The following UGT8 variants were observed in gnomAD, a reference collection of about 807,000 sequenced individuals.
The protein encoded by UGT8 is UDP glycosyltransferase 8.
Under a neutral mutation model 40.5 loss-of-function variants are expected in UGT8, and 12 were observed. The ratio of observed to expected loss-of-function variants is 0.30; its 90% CI spans 0.19 to 0.48. The LOEUF is 0.48. UGT8 is among the 20% of genes least tolerant of loss of function. The probability of loss-of-function intolerance (pLI) is 0.99; values close to 1 mark genes in which losing one functional copy is unlikely to be tolerated. For missense variants in UGT8, 513 were observed against 648.7 expected, an observed-to-expected ratio of 0.79 and a Z score of 2.27; for synonymous variants, 224 against 240.4, an observed-to-expected ratio of 0.93 and a Z score of 0.63.
Position 114,676,262 on chromosome 4 carries a change from A to G in UGT8, c.1600A>G (p.Ile534Val), listed in dbSNP as rs1578480076. ...LNGKYKRNGHIKHEKKVK is the reference protein window; with the variant it reads ...LNGKYKRNGHVKHEKKVK Reference sequence around the variant, plus strand: ...TGGCAAGTACAAAAGAAATGGCCATATTAAACATGAAAAGAAAGTGAAATG... The same window carrying G: ...TGGCAAGTACAAAAGAAATGGCCATGTTAAACATGAAAAGAAAGTGAAATG... The change falls in exon 6 of 6, where the codon ATT (isoleucine) becomes GTT (valine). Residue 534 changes from isoleucine (I) to valine (V), a missense_variant. Ile to Val is a conservative substitution (Grantham distance 29). Around this residue, in one of 3 missense-constraint regions of UGT8, gnomAD observed 175 missense variants for 186.7 expected, o/e 0.94. Coordinates refer to ENST00000310836, the MANE Select transcript of UGT8 (RefSeq NM_001128174.3). The G allele has an allele frequency of 1.3e-6, 2 of 1,593,598 alleles. No individual in the cohort carries two copies. Among genetic ancestry groups the G allele is most frequent in the East Asian group, 4.5e-5 (2 of 44,648 alleles).
chr4:114,616,072 G>A (rs1014599540), intron 1 of UGT8, among the ~76,000 whole-genome samples: 5 of 152,152 alleles, frequency 3.3e-5, no homozygotes, highest in Admixed American at 3.3e-4. Context: ...GAGGCAGTCT[G>A]CCCGTTCTCA....
intron 2 of UGT8, among the ~76,000 whole-genome samples, chr4:114,646,849 G>A (rs1181106033): frequency 6.6e-6 from 1 of 152,150 alleles, no homozygotes; most frequent in Non-Finnish European, 1.5e-5. Context: ...GTTCATGTTG[G>A]AGTCATAGTC....
intron 2 of UGT8, among the ~76,000 whole-genome samples, chr4:114,660,781 C>T (rs746609005): frequency 6.6e-5 from 10 of 151,356 alleles, no homozygotes; most frequent in Non-Finnish European, 1.2e-4. Context: ...GTCCCAGCTA[C>T]TCGGGAGGCT....
At chr4:114,675,433 TG>T (rs896718610) in intron 5 of UGT8, among the ~76,000 whole-genome samples, 69 of 152,268 alleles carry the variant, frequency 4.5e-4, no homozygotes, top group African/African-American at 1.6e-3. Context: ...TACATTTTAT[TG>T]GGTTAACATA....
At position 114,675,905 on chromosome 4, in the gene UGT8, G is replaced by A. The variant is rs1180444107; in HGVS notation, c.1263-20G>A. On this transcript the variant is annotated intron_variant, in intron 5 of 5. Transcript: ENST00000310836. ...TTTATTATAAGCATCATCATTCTGT[G>A]TTTTGTCCCCTCTCCATAGCTACCG... 1 of 1,591,212 alleles carries A rather than the reference G, an allele frequency of 6.3e-7. No homozygotes were observed. The highest frequency in any genetic ancestry group is 1.1e-5 in the South Asian group (1 of 87,468).
chr4:114,646,422 T>A (rs1733575074), intron 2 of UGT8, among the ~76,000 whole-genome samples: 1 of 152,038 alleles, frequency 6.6e-6, no homozygotes, highest in South Asian at 2.1e-4. Context: ...TCAGCCTTAA[T>A]GTCATAGAAA....
chr4:114,634,229 A>C (rs1416335545), intron 2 of UGT8, among the ~76,000 whole-genome samples: 1 of 152,208 alleles, frequency 6.6e-6, no homozygotes, highest in African/African-American at 2.4e-5. Flanking sequence ...GTTCTTTAGG[A>C]AAATACATTG....
intron 2 of UGT8, among the ~76,000 whole-genome samples, chr4:114,639,183 G>T (rs188856988): frequency 6.6e-6 from 1 of 152,070 alleles, no homozygotes; most frequent in African/African-American, 2.4e-5. Context: ...CACCCAAATG[G>T]AAATAAAGAA....
intron 2 of UGT8, among the ~76,000 whole-genome samples, chr4:114,635,457 T>A (rs779837769): frequency 2.6e-5 from 4 of 152,296 alleles, no homozygotes; most frequent in Non-Finnish European, 5.9e-5. Context: ...ATTGAAAGAC[T>A]TTTTTTCTTC....
chr4:114,629,211 T>G (rs1465252687), intron 2 of UGT8, among the ~76,000 whole-genome samples: 1 of 152,186 alleles, frequency 6.6e-6, no homozygotes, highest in African/African-American at 2.4e-5. Context: ...ATCTATATAG[T>G]AGTACTATGC....
intron 1 of UGT8, among the ~76,000 whole-genome samples, chr4:114,599,416 G>C (rs922860766): frequency 6.6e-6 from 1 of 152,156 alleles, no homozygotes; most frequent in Non-Finnish European, 1.5e-5. Flanking sequence ...ATGGAGGTGG[G>C]GGACCAGGAG....
intron 1 of UGT8, among the ~76,000 whole-genome samples, chr4:114,602,288 A>G (rs1476006674): frequency 1.3e-5 from 2 of 152,180 alleles, no homozygotes; most frequent in Admixed American, 6.5e-5. Flanking sequence ...CTGCCATTGA[A>G]ACTTACTAAC....
chr4:114,634,483 T>G (rs1478271919), intron 2 of UGT8, among the ~76,000 whole-genome samples: 5 of 152,140 alleles, frequency 3.3e-5, no homozygotes, highest in Admixed American at 1.3e-4. Context: ...AAGTCATGAC[T>G]AGGAAAGGAT....
intron 1 of UGT8, among the ~76,000 whole-genome samples, chr4:114,621,772 T>C (rs548668721): frequency 6.6e-6 from 1 of 152,322 alleles, no homozygotes; most frequent in East Asian, 1.9e-4. Flanking sequence ...GTTTACTGAT[T>C]CAATTTTCTT....
intron 2 of UGT8, among the ~76,000 whole-genome samples, chr4:114,635,028 CTTT>C (rs200596668): frequency 7.1e-6 from 1 of 141,568 alleles, no homozygotes; most frequent in Admixed American, 7.1e-5. Context: ...ACTAGTGAAG[CTTT>C]TTTTTTTTTT....
At chr4:114,615,758 G>A (rs746119788) in intron 1 of UGT8, among the ~76,000 whole-genome samples, 3 of 152,108 alleles carry the variant, frequency 2.0e-5, no homozygotes, top group Non-Finnish European at 4.4e-5. Context: ...TTCTGCTTCC[G>A]TTTCACTCTC....
Position 114,623,128 on chromosome 4 carries a change from A to T in UGT8, c.248A>T (p.Asp83Val). ...YPGIFNSTTS[D>V]AFLQSKMRNI... is the part of the protein sequence containing the mutation. ...GGGATCTTTAACAGTACCACCTCAG[A>T]TGCTTTCCTACAGTCCAAGATGCGG... Residue 83 changes from aspartate (D) to valine (V), a missense_variant, in exon 2 of 6, where the codon GAT (aspartate) becomes GTT (valine). By Grantham distance (152) the Asp-to-Val change is radical. Around this residue, in one of 3 missense-constraint regions of UGT8, gnomAD observed 335 missense variants for 444.8 expected, o/e 0.75. Coordinates refer to ENST00000310836, the MANE Select transcript of UGT8 (RefSeq NM_001128174.3). The T allele has an allele frequency of 6.2e-7, 1 of 1,614,060 alleles. No homozygotes were observed. The highest frequency in any genetic ancestry group is 8.5e-7 in the Non-Finnish European group (1 of 1,179,976).
chr4:114,676,641 A>ATGTGTGTG lies in UGT8; in HGVS notation c.*369_*376dup, dbSNP rs113192515. Reference sequence around the variant, plus strand: ...TTTTCTTAATAATGTGTGTGTGTGTATGTGTGTGTGTGTGTGTGTGTGTTT... The same window carrying ATGTGTGTG: ...TTTTCTTAATAATGTGTGTGTGTGTATGTGTGTGTGTGTGTGTGTGTGTGTGTGTGTTT... On this transcript the variant is annotated 3_prime_UTR_variant, in exon 6 of 6. Coordinates refer to ENST00000310836, the MANE Select transcript of UGT8 (RefSeq NM_001128174.3). 2 of 178,706 alleles carry ATGTGTGTG rather than the reference A, an allele frequency of 1.1e-5. No homozygotes were observed. The highest frequency in any genetic ancestry group is 6.2e-5 in the Admixed American group (1 of 16,130). 11.1% of individuals were successfully genotyped at this position (178,706 alleles called of 1,614,324 possible).
chr4:114,671,381 CA>C (rs1418849982), intron 5 of UGT8, among the ~76,000 whole-genome samples: 6 of 151,888 alleles, frequency 4.0e-5, no homozygotes, highest in Non-Finnish European at 8.8e-5. Context: ...CAACCAAAAA[CA>C]AAAAAACAAA....
Sources: allele counts gnomAD v4.1 joint callset (sites outside exome capture counted in the v4.1 genomes callset), GRCh38; gene constraint gnomAD v4.1.1; regional missense constraint gnomAD v4.1.1; transcripts MANE v1.5; gene names NCBI Gene and HGNC (gene_info 2026-07-23, HGNC 2026-07-21).